The following WNT7B variants were observed in gnomAD, a reference collection of about 807,000 sequenced individuals.
WNT7B encodes the protein Wnt family member 7B, also known as protein Wnt-7b.
WNT7B carries 19 observed loss-of-function variants against 38.2 expected under a neutral mutation model. The ratio of observed to expected loss-of-function variants is 0.50; its 90% CI spans 0.35 to 0.73. The LOEUF (loss-of-function observed/expected upper bound fraction) is 0.73. Among genes scored for constraint, WNT7B ranks in the 30% least tolerant of loss-of-function variants. The pLI is 0.01. For missense variants in WNT7B, 423 were observed against 507.9 expected, an observed-to-expected ratio of 0.83 and a Z score of 1.61; for synonymous variants, 243 against 209.3, an observed-to-expected ratio of 1.16 and a Z score of -1.39.
intron 3 of WNT7B, among the ~76,000 whole-genome samples, chr22:45,923,546 G>A (rs1930994069): frequency 6.6e-6 from 1 of 152,234 alleles, no homozygotes; most frequent in Admixed American, 6.5e-5. Flanking sequence ...AGGAGGTTGT[G>A]AGGGTACAGT....
intron 2 of WNT7B, among the ~76,000 whole-genome samples, chr22:45,932,094 A>G (rs1275374238): frequency 1.3e-5 from 2 of 151,916 alleles, no homozygotes; most frequent in Non-Finnish European, 2.9e-5. Context: ...CTGCTGCTTC[A>G]TCTCCCCAGC....
rs112669334 is a variant in WNT7B, at chr22:45,927,276, C to T, written c.570+3822G>A. Reference sequence around the variant, plus strand: ...GACAGTTTTCCGCACAGGCACCCTGCGGCAGCCCATTAAAGGTCACCCCCG... The same window carrying T: ...GACAGTTTTCCGCACAGGCACCCTGTGGCAGCCCATTAAAGGTCACCCCCG... On this transcript the variant is annotated intron_variant, in intron 3 of 3. Transcript: ENST00000339464. 3,652 of 985,366 alleles carry T rather than the reference C, an allele frequency of 3.7e-3. 106 individuals carry two copies. The African/African-American group carries it at 0.058, about 16-fold the overall frequency. The allele number at this position is 985,366 out of a possible 1,614,324, so 61.0% of individuals were successfully genotyped here.
chr22:45,963,541 C>A (rs1932242537), intron 1 of WNT7B, among the ~76,000 whole-genome samples: 1 of 152,184 alleles, frequency 6.6e-6, no homozygotes, highest in Non-Finnish European at 1.5e-5. Context: ...TCCCATTTTA[C>A]AGAGGCGGCT....
chr22:45,922,732 G>T lies in WNT7B; in HGVS notation c.*124C>A, dbSNP rs2146700979. On this transcript the variant is annotated 3_prime_UTR_variant, in exon 4 of 4. Transcript: ENST00000339464. ...CCCGGCCGGTGCCCTCCTGCACCTGGAGCTCCCCGCTTCTGCACCCGTCTA... is the reference window on the plus strand; with the variant it reads ...CCCGGCCGGTGCCCTCCTGCACCTGTAGCTCCCCGCTTCTGCACCCGTCTA... 2.1e-6 allele frequency: 3 copies of T among 1,454,276 alleles called. No individual in the cohort carries two copies. Among genetic ancestry groups the T allele is most frequent in the East Asian group, 2.4e-5 (1 of 42,234 alleles). 90.1% of individuals were successfully genotyped at this position (1,454,276 alleles called of 1,614,324 possible). A position where few individuals can be genotyped will look rare whatever the true frequency, so the allele number is the denominator to read the frequency against.
Position 45,951,660 on chromosome 22 carries a change from C to T in WNT7B, c.72-1514G>A, listed in dbSNP as rs1426102164. ...TCATTGTGTGACCTTTGGCGTCTGG[C>T]TTCTTTCACTTAGCGTCGTGTTTTC... On this transcript the variant is annotated intron_variant, in intron 1 of 3. Coordinates refer to ENST00000339464, the MANE Select transcript of WNT7B (RefSeq NM_058238.3). The surrounding 1 kb of genome is among the most constrained non-coding windows in gnomAD (Gnocchi z 4.8). Among the ~76,000 whole-genome samples the T allele has an allele frequency of 6.6e-6, 1 of 152,176 alleles. No individual in the cohort carries two copies.
rs1931923349 is a variant in WNT7B, at chr22:45,951,138, T to C, written c.72-992A>G. On this transcript the variant is annotated intron_variant, in intron 1 of 3. Transcript: ENST00000339464. The surrounding 1 kb of genome is among the most constrained non-coding windows in gnomAD (Gnocchi z 4.8). ...TGTCGCGCAGGCTGGAGTGCAGTGG[T>C]GTGATCTCAGCTCACTGCAACCTCC... is the stretch of plus-strand genomic sequence containing the variant. 1.3e-5 allele frequency among the ~76,000 whole-genome samples: 2 copies of C among 152,176 alleles called. No individual in the cohort carries two copies. The highest frequency in any genetic ancestry group is 4.8e-5 in the African/African-American group (2 of 41,428).
rs548381189 is a variant in WNT7B at position 45,975,784 on chromosome 22, C to T, written c.71+900G>A. On this transcript the variant is annotated intron_variant, in intron 1 of 3. Transcript: ENST00000339464. This position sits in a 1 kb window ranked among gnomAD's most constrained non-coding sequence, Gnocchi z 6.6. ...CCCGGGTCCCCGCAGGTGCGAGGAG[C>T]GCGGGGCCAGCAGCGGGCGGTGGGC... is the stretch of plus-strand genomic sequence containing the variant. 48 of 336,544 alleles carry T rather than the reference C, an allele frequency of 1.4e-4. 1 individual carries two copies. In the East Asian group the frequency reaches 2.1e-3, roughly 15 times the overall value. 20.8% of individuals were successfully genotyped at this position (336,544 alleles called of 1,614,324 possible).
intron 2 of WNT7B, among the ~76,000 whole-genome samples, chr22:45,940,573 G>C (rs1373194017): frequency 6.6e-6 from 1 of 152,194 alleles, no homozygotes; most frequent in Non-Finnish European, 1.5e-5. Flanking sequence ...GAGGCTCTCA[G>C]CCTCCCATCC....
intron 2 of WNT7B, among the ~76,000 whole-genome samples, chr22:45,945,144 C>A (rs543232180): frequency 6.6e-6 from 1 of 151,912 alleles, no homozygotes; most frequent in African/African-American, 2.4e-5. Context: ...ACTGCAGTGG[C>A]GTGATCTTGG....
chr22:45,950,918 G>A (rs899317732), intron 1 of WNT7B, among the ~76,000 whole-genome samples: 1 of 152,214 alleles, frequency 6.6e-6, no homozygotes, highest in Non-Finnish European at 1.5e-5. Flanking sequence ...CTTGGCAGGG[G>A]CCTTATTGCA....
intron 3 of WNT7B, among the ~76,000 whole-genome samples, chr22:45,929,846 A>T (rs1170561415): frequency 2.1e-5 from 3 of 143,702 alleles, no homozygotes; most frequent in African/African-American, 8.0e-5. Flanking sequence ...CTATACATCC[A>T]CCCACTCATC....
chr22:45,927,377 C>T, intron 3 of WNT7B: 3 of 1,502,816 alleles, frequency 2.0e-6, no homozygotes, highest in Non-Finnish European at 2.7e-6. Flanking sequence ...GGCGGGCCTC[C>T]AGACTCTGCC....
At chr22:45,972,116 G>GCCCCCCCCCCCCCCCCCCCCC in intron 1 of WNT7B, 1 of 530,746 alleles carries the variant, frequency 1.9e-6, no homozygotes, top group Non-Finnish European at 3.3e-6. Context: ...CCCGGGGGGA[G>GCCCCCCCCCCCCCCCCCCCCC]CCCACCCGCC....
At chr22:45,937,034 C>G (rs9330789) in intron 2 of WNT7B, among the ~76,000 whole-genome samples, 1 of 152,024 alleles carries the variant, frequency 6.6e-6, no homozygotes, top group South Asian at 2.1e-4. Context: ...ATTAACTGCA[C>G]GGAGGAGGAG....
intron 2 of WNT7B, among the ~76,000 whole-genome samples, chr22:45,938,453 A>G (rs915586773): frequency 1.3e-5 from 2 of 152,134 alleles, no homozygotes; most frequent in African/African-American, 2.4e-5. Context: ...CCTGACCAAC[A>G]TGGTGAAATC....
chr22:45,939,876 G>A (rs1931603768), intron 2 of WNT7B, among the ~76,000 whole-genome samples: 1 of 152,166 alleles, frequency 6.6e-6, no homozygotes, highest in Non-Finnish European at 1.5e-5. Context: ...AAAGAAGCTA[G>A]ACACCAAAGG....
At chr22:45,929,807 CCCAT>C (rs1017248749) in intron 3 of WNT7B, among the ~76,000 whole-genome samples, 8 of 133,052 alleles carry the variant, frequency 6.0e-5, no homozygotes, top group African/African-American at 2.2e-4. Flanking sequence ...CAACCATCTA[CCCAT>C]CCATCTATCT....
In WNT7B at chr22:45,950,004, CGTT is replaced by C; in HGVS notation, c.211_213del (p.Asn71del). 1.9e-6 allele frequency: 3 copies of C among 1,613,880 alleles called. No homozygotes were observed. Among genetic ancestry groups the C allele is most frequent in the East Asian group, 2.2e-5 (1 of 44,900 alleles). ...CCGAAGCGGAACTGGTACTGGCACT[CGTT>C]GATGCCCATCTGCGCCCCCTCCCCA... On this transcript the variant is annotated inframe_deletion, in exon 2 of 4. Transcript: ENST00000339464.
At chr22:45,959,508 G>A (rs1020945134) in intron 1 of WNT7B, among the ~76,000 whole-genome samples, 4 of 152,140 alleles carry the variant, frequency 2.6e-5, no homozygotes, top group Admixed American at 2.6e-4. Context: ...GGAGAAGTCG[G>A]CTGTGCTATG....
Sources: gnomAD v4.1 joint callset for allele counts (sites outside exome capture counted in the v4.1 genomes callset) on GRCh38, gnomAD v4.1.1 for gene constraint, Gnocchi (gnomAD v3.1) non-coding constraint, MANE v1.5 for transcripts, NCBI Gene and HGNC (gene_info 2026-07-23, HGNC 2026-07-21) for gene names.